SERPINE2: variants seen among roughly 807,000 people sequenced by gnomAD.
SERPINE2 encodes glia-derived nexin.
SERPINE2 carries 14 observed loss-of-function variants against 36.3 expected under a neutral mutation model. That is an observed-to-expected ratio of 0.39 (90% CI 0.25 to 0.60). The LOEUF (loss-of-function observed/expected upper bound fraction) is 0.60. Among genes scored for constraint, SERPINE2 ranks in the 20% least tolerant of loss-of-function variants. SERPINE2 has a pLI of 0.57. For synonymous variants in SERPINE2, 192 were observed against 191.8 expected, an observed-to-expected ratio of 1.00 and a Z score of -0.01; for missense variants, 418 against 499.6, an observed-to-expected ratio of 0.84 and a Z score of 1.56.
At chr2:223,991,198 T>C (rs115211429) in intron 4 of SERPINE2, among the ~76,000 whole-genome samples, 6 of 152,326 alleles carry the variant, frequency 3.9e-5, no homozygotes, top group African/African-American at 1.4e-4. Flanking sequence ...CATGATCACA[T>C]ACGTTCCACT....
At chr2:223,994,381 A>G (rs1312916554) in intron 3 of SERPINE2, among the ~76,000 whole-genome samples, 2 of 152,238 alleles carry the variant, frequency 1.3e-5, no homozygotes, top group Non-Finnish European at 2.9e-5. Context: ...ATAAGGGGAC[A>G]TGAAGAAATA....
chr2:223,992,520 A>T (rs1300047282), intron 3 of SERPINE2, among the ~76,000 whole-genome samples: 1 of 152,112 alleles, frequency 6.6e-6, no homozygotes, highest in African/African-American at 2.4e-5. Context: ...TTCTCTTAAG[A>T]TTTTAGAAAC....
chr2:223,998,058 C>A, intron 3 of SERPINE2, 57 bp downstream of exon 3: 1 of 1,416,916 alleles, frequency 7.1e-7, no homozygotes, highest in South Asian at 1.2e-5. Context: ...ACCCTGGAGT[C>A]TAACTCATGC....
chr2:224,005,065 T>TTATATATATATATATATATA (rs71058976), intron 1 of SERPINE2, among the ~76,000 whole-genome samples: 9 of 33,560 alleles, frequency 2.7e-4, no homozygotes, highest in Non-Finnish European at 3.9e-4. Context: ...TTTATATATA[T>TTATATATATATATATATATA]TATATATATA....
At chr2:224,012,642 CT>C (rs1160302524) in intron 1 of SERPINE2, among the ~76,000 whole-genome samples, 2 of 151,654 alleles carry the variant, frequency 1.3e-5, no homozygotes, top group Non-Finnish European at 2.9e-5. Flanking sequence ...CAAAAAAAGA[CT>C]AACAGGACAG....
At chr2:224,024,521 C>A (rs1461778023) in intron 1 of SERPINE2, among the ~76,000 whole-genome samples, 1 of 152,180 alleles carries the variant, frequency 6.6e-6, no homozygotes, top group East Asian at 1.9e-4. Flanking sequence ...GAAACCTATG[C>A]CCATTTAACA....
At position 223,982,887 on chromosome 2, in the gene SERPINE2, A is replaced by C. The variant is rs138183221; in HGVS notation, c.885-106T>G. 18 of 723,092 alleles carry C rather than the reference A, an allele frequency of 2.5e-5. No individual in the cohort carries two copies. In the African/African-American group the frequency reaches 2.5e-4, roughly 10 times the overall value. 44.8% of individuals were successfully genotyped at this position (723,092 alleles called of 1,614,324 possible). A position where few individuals can be genotyped will look rare whatever the true frequency, so the allele number is the denominator to read the frequency against. On this transcript the variant is annotated intron_variant, in intron 5 of 8. Coordinates refer to ENST00000409304, the MANE Select transcript of SERPINE2 (RefSeq NM_001136528.2). ...TGATTCTTTTAAAGTTAATATCTGAATACCGATCTGAATTGCATCTTAAAT... is the reference window on the plus strand; with the variant it reads ...TGATTCTTTTAAAGTTAATATCTGACTACCGATCTGAATTGCATCTTAAAT...
chr2:224,015,207 A>T lies in SERPINE2; in HGVS notation c.-22-13285T>A, dbSNP rs115371340. On this transcript the variant is annotated intron_variant, in intron 1 of 8. Coordinates refer to ENST00000409304, the MANE Select transcript of SERPINE2 (RefSeq NM_001136528.2). ...TTGGGGAAGCCTGGTCTAGAGGGGAAACAGACCTTAATCAAATCGTCTTAT... is the reference window on the plus strand; with the variant it reads ...TTGGGGAAGCCTGGTCTAGAGGGGATACAGACCTTAATCAAATCGTCTTAT... 5.6e-3 allele frequency among the ~76,000 whole-genome samples: 857 copies of T among 152,338 alleles called. 9 individuals carry two copies. The highest frequency in any genetic ancestry group is 0.019 in the African/African-American group (803 of 41,582).
chr2:224,007,822 A>C (rs1691482570), intron 1 of SERPINE2, among the ~76,000 whole-genome samples: 1 of 152,152 alleles, frequency 6.6e-6, no homozygotes, highest in African/African-American at 2.4e-5. Flanking sequence ...GAGTTTCCCC[A>C]GGGTAGATTT....
chr2:223,985,267 A>C (rs1381648049), intron 4 of SERPINE2, among the ~76,000 whole-genome samples: 1 of 151,736 alleles, frequency 6.6e-6, no homozygotes, highest in East Asian at 1.9e-4. Context: ...CACATGAATA[A>C]AAGAATACAT....
chr2:224,001,664 C>T lies in SERPINE2; in HGVS notation c.237G>A (p.Met79Ile). Residue 79 changes from methionine (M) to isoleucine (I), a missense_variant, in exon 2 of 9, where the codon ATG (methionine) becomes ATA (isoleucine). Transcript: ENST00000409304. Reference protein sequence around the residue: ...ADGRTKKQLAMVMRYGVNGVG... With the variant: ...ADGRTKKQLAIVMRYGVNGVG... ...CACCATTTACGCCGTATCTCATCAC[C>T]ATGGCGAGCTGCTTCTTGGTCCTGC... The T allele has an allele frequency of 1.9e-6, 3 of 1,614,028 alleles. No individual in the cohort carries two copies. Among genetic ancestry groups the T allele is most frequent in the Non-Finnish European group, 2.5e-6 (3 of 1,180,018 alleles).
chr2:223,984,623 T>G, intron 5 of SERPINE2, 129 bp downstream of exon 5: 8 of 828,442 alleles, frequency 9.7e-6, no homozygotes, highest in Non-Finnish European at 1.5e-5. Flanking sequence ...AATCCCACCA[T>G]GAAATTTCTG....
intron 7 of SERPINE2, chr2:223,977,871 T>C (rs1429070786): frequency 2.2e-6 from 1 of 446,742 alleles, no homozygotes; most frequent in African/African-American, 2.0e-5. Flanking sequence ...CTGATAAACA[T>C]ACTTACTCCT....
chr2:224,021,845 G>A (rs1047627180), intron 1 of SERPINE2, among the ~76,000 whole-genome samples: 42 of 152,292 alleles, frequency 2.8e-4, no homozygotes, highest in Admixed American at 7.8e-4. Context: ...CCAACATGGC[G>A]AAACCTAGTC....
chr2:224,015,571 T>C (rs544987874), intron 1 of SERPINE2, among the ~76,000 whole-genome samples: 4 of 152,238 alleles, frequency 2.6e-5, no homozygotes, highest in Non-Finnish European at 5.9e-5. Context: ...GGCAACTCTG[T>C]GTCCATGACT....
At chr2:223,999,072 A>G (rs1362220640) in intron 2 of SERPINE2, among the ~76,000 whole-genome samples, 1 of 152,226 alleles carries the variant, frequency 6.6e-6, no homozygotes, top group Admixed American at 6.5e-5. Flanking sequence ...TTTCTTGCCA[A>G]AGATTTAACA....
At chr2:223,981,245 T>C in intron 6 of SERPINE2, 1 of 152,150 alleles carries the variant, frequency 6.6e-6, no homozygotes, top group Non-Finnish European at 1.5e-5. Context: ...ACATGCAGTG[T>C]TAAAGAGGAC....
chr2:223,992,238 G>T (rs1191859866), intron 3 of SERPINE2, among the ~76,000 whole-genome samples: 1 of 152,088 alleles, frequency 6.6e-6, no homozygotes. Context: ...CTAGCTAGGG[G>T]TTACAAAACT....
At chr2:224,001,578 T>C in intron 2 of SERPINE2, 64 bp downstream of exon 2, 1 of 1,552,278 alleles carries the variant, frequency 6.4e-7, no homozygotes, top group Non-Finnish European at 8.7e-7. Context: ...AACCAAGCCA[T>C]AAACCCTCCT....
Sources: allele counts gnomAD v4.1 joint callset (sites outside exome capture counted in the v4.1 genomes callset), GRCh38; gene constraint gnomAD v4.1.1; transcripts MANE v1.5; gene names NCBI Gene and HGNC (gene_info 2026-07-23, HGNC 2026-07-21).